The following SPATA17 variants were observed in gnomAD, a reference collection of about 807,000 sequenced individuals.
The protein encoded by SPATA17 is spermatogenesis-associated protein 17.
In SPATA17, 53 loss-of-function variants were observed where a neutral mutation model predicts 62.2. The ratio of observed to expected loss-of-function variants is 0.85; its 90% CI spans 0.68 to 1.07. SPATA17 has a LOEUF of 1.07. SPATA17 is among the 50% of genes least tolerant of loss of function. The pLI is 0.00. For missense variants in SPATA17, 466 were observed against 425.5 expected, an observed-to-expected ratio of 1.10 and a Z score of -0.84; for synonymous variants, 146 against 146.8, an observed-to-expected ratio of 0.99 and a Z score of 0.04.
intron 8 of SPATA17, among the ~76,000 whole-genome samples, chr1:217,785,285 G>A (rs1040731782): frequency 3.3e-5 from 5 of 152,098 alleles, no homozygotes; most frequent in African/African-American, 9.7e-5. Context: ...TTCTCACACT[G>A]CTATGAAGAG....
chr1:217,753,609 A>T (rs1290320041), intron 6 of SPATA17, among the ~76,000 whole-genome samples: 1 of 151,758 alleles, frequency 6.6e-6, no homozygotes, highest in Non-Finnish European at 1.5e-5. Flanking sequence ...TATATTTTGT[A>T]TATGTATATA....
chr1:217,642,619 G>T (rs1670091250), intron 1 of SPATA17, among the ~76,000 whole-genome samples: 1 of 152,138 alleles, frequency 6.6e-6, no homozygotes, highest in Non-Finnish European at 1.5e-5. Flanking sequence ...ATTGGATCAT[G>T]GGGGCGGTTT....
At chr1:217,689,932 T>A (rs1396051471) in intron 5 of SPATA17, among the ~76,000 whole-genome samples, 2 of 151,976 alleles carry the variant, frequency 1.3e-5, no homozygotes, top group African/African-American at 2.4e-5. Flanking sequence ...AGACAGAGTT[T>A]TGCTCTTTTC....
At chr1:217,798,801 G>T (rs907290512) in intron 8 of SPATA17, among the ~76,000 whole-genome samples, 3 of 130,314 alleles carry the variant, frequency 2.3e-5, no homozygotes, top group Admixed American at 1.5e-4. Flanking sequence ...AAGACAATAC[G>T]AAACTGCTGA....
At chr1:217,846,367 T>C (rs1047311480) in intron 9 of SPATA17, among the ~76,000 whole-genome samples, 2 of 152,002 alleles carry the variant, frequency 1.3e-5, no homozygotes, top group African/African-American at 2.4e-5. Context: ...CATGATAAAG[T>C]AGAGTTTCAA....
chr1:217,763,049 T>C (rs1024601716), intron 6 of SPATA17, among the ~76,000 whole-genome samples: 1 of 152,200 alleles, frequency 6.6e-6, no homozygotes, highest in African/African-American at 2.4e-5. Flanking sequence ...TGAGTCAATT[T>C]AGGGAAAAGC....
chr1:217,838,275 T>A (rs1281667758), intron 9 of SPATA17, among the ~76,000 whole-genome samples: 1 of 152,064 alleles, frequency 6.6e-6, no homozygotes, highest in African/African-American at 2.4e-5. Flanking sequence ...TTTAGCAGAA[T>A]CTGTGGAAAA....
chr1:217,835,002 G>A (rs928008136), intron 9 of SPATA17, among the ~76,000 whole-genome samples: 5 of 152,098 alleles, frequency 3.3e-5, no homozygotes, highest in African/African-American at 1.2e-4. Context: ...TTCGGTACAG[G>A]AACATGCCAT....
intron 6 of SPATA17, among the ~76,000 whole-genome samples, chr1:217,762,424 CT>C (rs1225090036): frequency 2.6e-5 from 4 of 152,204 alleles, no homozygotes; most frequent in African/African-American, 4.8e-5. Context: ...ACTCCACATT[CT>C]CTTACATTCC....
At chr1:217,713,679 G>A (rs993150605) in intron 5 of SPATA17, among the ~76,000 whole-genome samples, 4 of 152,090 alleles carry the variant, frequency 2.6e-5, no homozygotes, top group Non-Finnish European at 2.9e-5. Flanking sequence ...CTAAGAAATC[G>A]ATGCTTGGAT....
At chr1:217,775,041 T>C (rs1292589856) in intron 7 of SPATA17, among the ~76,000 whole-genome samples, 1 of 152,210 alleles carries the variant, frequency 6.6e-6, no homozygotes, top group Non-Finnish European at 1.5e-5. Context: ...TATATGGTAA[T>C]TATATTTTTA....
chr1:217,741,550 G>A (rs548326141), intron 5 of SPATA17, among the ~76,000 whole-genome samples: 1 of 152,038 alleles, frequency 6.6e-6, no homozygotes, highest in Non-Finnish European at 1.5e-5. Flanking sequence ...TAAAAATTAG[G>A]CCATTAGTTA....
chr1:217,731,440 A>T (rs1672401250), intron 5 of SPATA17, among the ~76,000 whole-genome samples: 1 of 152,210 alleles, frequency 6.6e-6, no homozygotes, highest in South Asian at 2.1e-4. Flanking sequence ...AAATTGAACC[A>T]TTCTTCATGT....
At chr1:217,804,972 G>A (rs1674398097) in intron 9 of SPATA17, among the ~76,000 whole-genome samples, 1 of 152,200 alleles carries the variant, frequency 6.6e-6, no homozygotes, top group African/African-American at 2.4e-5. Flanking sequence ...ATGGAAAATG[G>A]AGGTTCTTCA....
At chr1:217,779,824 A>T (rs755757410) in intron 7 of SPATA17, among the ~76,000 whole-genome samples, 3 of 152,154 alleles carry the variant, frequency 2.0e-5, no homozygotes, top group Non-Finnish European at 2.9e-5. Context: ...TTTTTTAAAC[A>T]TCTAGGACAA....
chr1:217,828,646 A>G, intron 9 of SPATA17, among the ~76,000 whole-genome samples: 1 of 151,894 alleles, frequency 6.6e-6, no homozygotes, highest in Non-Finnish European at 1.5e-5. Context: ...GAAACAATCA[A>G]CAACATGAAA....
At chr1:217,800,902 A>G (rs1045316750) in intron 8 of SPATA17, among the ~76,000 whole-genome samples, 1 of 152,170 alleles carries the variant, frequency 6.6e-6, no homozygotes, top group Non-Finnish European at 1.5e-5. Flanking sequence ...TCTGGGTTAT[A>G]CTGAAAGCAT....
At chr1:217,864,951 GT>G (rs554941796) in intron 10 of SPATA17, among the ~76,000 whole-genome samples, 7 of 151,816 alleles carry the variant, frequency 4.6e-5, no homozygotes, top group South Asian at 2.1e-4. Flanking sequence ...ATATGTTATG[GT>G]TTTTTTTAAT....
chr1:217,803,105 G>C (rs1178045590), intron 9 of SPATA17, among the ~76,000 whole-genome samples: 3 of 152,090 alleles, frequency 2.0e-5, no homozygotes, highest in Admixed American at 1.3e-4. Flanking sequence ...GTAGAGACAG[G>C]GTTTCACCCT....
Sources: allele counts gnomAD v4.1 joint callset (sites outside exome capture counted in the v4.1 genomes callset), GRCh38; gene constraint gnomAD v4.1.1; transcripts MANE v1.5; gene names NCBI Gene and HGNC (gene_info 2026-07-23, HGNC 2026-07-21).